GRB14: variants seen among roughly 807,000 people sequenced by gnomAD.
GRB14 encodes the protein growth factor receptor bound protein 14, also known as growth factor receptor-bound protein 14.
In GRB14, 38 loss-of-function variants were observed where a neutral mutation model predicts 69.1. The observed-to-expected ratio is 0.55, with a 90% CI of 0.42 to 0.72. The LOEUF (loss-of-function observed/expected upper bound fraction) is 0.72. Ranked by LOEUF, GRB14 falls within the 30% of genes least tolerant of loss-of-function variation. GRB14 has a pLI of 0.00. For missense variants in GRB14, 666 were observed against 666.1 expected, an observed-to-expected ratio of 1.00 and a Z score of 0.00; for synonymous variants, 247 against 241.3, an observed-to-expected ratio of 1.02 and a Z score of -0.22.
At chr2:164,547,354 GA>G (rs1688406401) in intron 3 of GRB14, among the ~76,000 whole-genome samples, 1 of 151,964 alleles carries the variant, frequency 6.6e-6, no homozygotes, top group South Asian at 2.1e-4. Flanking sequence ...ATTTAACAAT[GA>G]GATTGAATTT....
At chr2:164,556,434 G>A (rs1385716834) in intron 2 of GRB14, among the ~76,000 whole-genome samples, 1 of 152,150 alleles carries the variant, frequency 6.6e-6, no homozygotes, top group African/African-American at 2.4e-5. Flanking sequence ...ACTTAAAACA[G>A]ATACTGTCAC....
chr2:164,604,063 T>C (rs1689989605), intron 2 of GRB14, among the ~76,000 whole-genome samples: 1 of 152,188 alleles, frequency 6.6e-6, no homozygotes, highest in Non-Finnish European at 1.5e-5. Flanking sequence ...ACTCACCACA[T>C]TGGCAAAAAC....
At chr2:164,594,664 T>A (rs1262469713) in intron 2 of GRB14, among the ~76,000 whole-genome samples, 1 of 152,196 alleles carries the variant, frequency 6.6e-6, no homozygotes, top group Non-Finnish European at 1.5e-5. Flanking sequence ...TTAATGGAAG[T>A]CGCCACATTT....
At chr2:164,555,802 C>T (rs1688665236) in intron 2 of GRB14, among the ~76,000 whole-genome samples, 1 of 151,628 alleles carries the variant, frequency 6.6e-6, no homozygotes, top group South Asian at 2.1e-4. Flanking sequence ...AAACAAGGCT[C>T]ACAGGAATTT....
intron 8 of GRB14, 64 bp downstream of exon 8, chr2:164,508,391 A>G: frequency 7.7e-7 from 1 of 1,297,928 alleles, no homozygotes; most frequent in Non-Finnish European, 1.1e-6. Context: ...TGAAATACAG[A>G]TATTTTCTAA....
intron 12 of GRB14, 116 bp from the exon 13 acceptor site, chr2:164,494,640 A>G (rs2105252938): frequency 5.6e-6 from 4 of 709,284 alleles, no homozygotes; most frequent in African/African-American, 1.8e-5. Flanking sequence ...CTCCTTTACT[A>G]TGTATTCAAT....
intron 9 of GRB14, 141 bp from the exon 10 acceptor site, chr2:164,497,631 G>A: frequency 3.3e-6 from 2 of 615,002 alleles, no homozygotes; most frequent in African/African-American, 1.8e-5. Flanking sequence ...GGTGGTGCCT[G>A]AAGGGGCTAG....
intron 2 of GRB14, among the ~76,000 whole-genome samples, chr2:164,571,727 G>A (rs1559056286): frequency 6.6e-6 from 1 of 152,132 alleles, no homozygotes; most frequent in Non-Finnish European, 1.5e-5. Context: ...GGCCAGAAGA[G>A]CAGGCAGCTA....
chr2:164,590,637 C>A (rs949022523), intron 2 of GRB14, among the ~76,000 whole-genome samples: 6 of 152,174 alleles, frequency 3.9e-5, no homozygotes, highest in Admixed American at 2.6e-4. Context: ...GCACATAGCA[C>A]CCTGACACTG....
intron 3 of GRB14, 41 bp from the exon 4 acceptor site, chr2:164,527,176 AATATATATAT>A (rs57531034): frequency 0.11 from 28,501 of 248,586 alleles, 2,089 homozygotes; most frequent in Admixed American, 0.14. Flanking sequence ...CAGATAGACA[AATATATATAT>A]ATATATATAT....
At chr2:164,504,684 G>C (rs1406798644) in intron 8 of GRB14, among the ~76,000 whole-genome samples, 1 of 152,146 alleles carries the variant, frequency 6.6e-6, no homozygotes, top group Non-Finnish European at 1.5e-5. Context: ...TTATTGAAAT[G>C]AACAGGAAAC....
At chr2:164,584,458 A>G (rs1465190213) in intron 2 of GRB14, among the ~76,000 whole-genome samples, 1 of 152,034 alleles carries the variant, frequency 6.6e-6, no homozygotes, top group African/African-American at 2.4e-5. Context: ...AATTATCTTT[A>G]AGTACTTTTC....
At chr2:164,493,303 G>A in intron 13 of GRB14, 121 bp from the exon 14 acceptor site, 1 of 811,086 alleles carries the variant, frequency 1.2e-6, no homozygotes, top group Non-Finnish European at 1.9e-6. Context: ...AAAAGACAGT[G>A]AAAAGAATGT....
intron 6 of GRB14, among the ~76,000 whole-genome samples, chr2:164,515,047 C>T (rs748748714): frequency 3.9e-5 from 6 of 152,114 alleles, no homozygotes; most frequent in Non-Finnish European, 8.8e-5. Flanking sequence ...CTACAGCAGC[C>T]GCAGCAAGCC....
intron 2 of GRB14, among the ~76,000 whole-genome samples, chr2:164,557,764 C>T (rs557388946): frequency 1.4e-4 from 22 of 152,256 alleles, no homozygotes; most frequent in Admixed American, 2.6e-4. Context: ...TGTAAAAACC[C>T]AGCCCTGGTA....
intron 1 of GRB14, among the ~76,000 whole-genome samples, chr2:164,620,131 A>G (rs1295240119): frequency 2.1e-5 from 3 of 140,350 alleles, no homozygotes; most frequent in Non-Finnish European, 4.5e-5. Flanking sequence ...AGGCATAGAA[A>G]CTCCATCACT....
intron 2 of GRB14, among the ~76,000 whole-genome samples, chr2:164,583,624 C>G (rs1274640347): frequency 6.6e-6 from 1 of 151,834 alleles, no homozygotes; most frequent in African/African-American, 2.4e-5. Flanking sequence ...TGTATAACTA[C>G]AAGGTAATAG....
chr2:164,604,413 G>T (rs1373167170), intron 2 of GRB14, among the ~76,000 whole-genome samples: 1 of 152,116 alleles, frequency 6.6e-6, no homozygotes, highest in African/African-American at 2.4e-5. Flanking sequence ...AATCAAAAAT[G>T]TCAAACGAAA....
chr2:164,579,800 G>A (rs1689351752), intron 2 of GRB14, among the ~76,000 whole-genome samples: 2 of 152,038 alleles, frequency 1.3e-5, no homozygotes, highest in Admixed American at 1.3e-4. Context: ...GGACCTCCAC[G>A]AATCTATGCC....
Sources: allele counts gnomAD v4.1 joint callset (sites outside exome capture counted in the v4.1 genomes callset), GRCh38; gene constraint gnomAD v4.1.1; transcripts MANE v1.5; gene names NCBI Gene and HGNC (gene_info 2026-07-23, HGNC 2026-07-21).